The following HHAT variants were observed in gnomAD, a reference collection of about 807,000 sequenced individuals.
The protein encoded by HHAT is protein-cysteine N-palmitoyltransferase HHAT.
A neutral mutation model predicts 70.8 loss-of-function variants in HHAT; 47 were observed. The ratio of observed to expected loss-of-function variants is 0.66; its 90% CI spans 0.53 to 0.85. HHAT has a LOEUF of 0.85. Ranked by LOEUF, HHAT falls within the 40% of genes least tolerant of loss-of-function variation. The pLI is 0.00. For synonymous variants in HHAT, 228 were observed against 247.6 expected, an observed-to-expected ratio of 0.92 and a Z score of 0.74; for missense variants, 609 against 604.8, an observed-to-expected ratio of 1.01 and a Z score of -0.07.
At chr1:210,564,557 G>A (rs1338184020) in intron 9 of HHAT, among the ~76,000 whole-genome samples, 1 of 152,182 alleles carries the variant, frequency 6.6e-6, no homozygotes, top group Non-Finnish European at 1.5e-5. Context: ...ATGTGTCTAT[G>A]TGTATTTATA....
At chr1:210,574,205 G>A (rs1657085601) in intron 9 of HHAT, among the ~76,000 whole-genome samples, 1 of 152,302 alleles carries the variant, frequency 6.6e-6, no homozygotes, top group Admixed American at 6.5e-5. Flanking sequence ...GGGTGAGATT[G>A]GCTGGGGAAA....
chr1:210,534,037 G>A (rs573020658), intron 9 of HHAT, among the ~76,000 whole-genome samples: 1 of 152,278 alleles, frequency 6.6e-6, no homozygotes, highest in Non-Finnish European at 1.5e-5. Context: ...GAAATGAGGA[G>A]TCTCAGGCTA....
chr1:210,449,152 C>T (rs10863834), intron 7 of HHAT, among the ~76,000 whole-genome samples: 52,577 of 151,938 alleles, frequency 0.35, 9,498 homozygotes, highest in South Asian at 0.47. Flanking sequence ...AATTGGTGGT[C>T]GGACCTCCCG....
chr1:210,403,373 T>C (rs1019052206), intron 5 of HHAT, among the ~76,000 whole-genome samples: 6 of 152,254 alleles, frequency 3.9e-5, no homozygotes, highest in Admixed American at 1.3e-4. Flanking sequence ...CATTTATCAT[T>C]TATTTGGGGA....
At chr1:210,611,661 T>C (rs1251270282) in intron 10 of HHAT, among the ~76,000 whole-genome samples, 2 of 152,126 alleles carry the variant, frequency 1.3e-5, no homozygotes, top group Non-Finnish European at 2.9e-5. Flanking sequence ...ATCACTCTTA[T>C]ATTTTGAGGT....
intron 11 of HHAT, among the ~76,000 whole-genome samples, chr1:210,644,839 T>A (rs750866206): frequency 2.0e-5 from 3 of 152,122 alleles, no homozygotes; most frequent in Non-Finnish European, 4.4e-5. Flanking sequence ...CAACTTGTTA[T>A]AAGACCTGGG....
intron 8 of HHAT, among the ~76,000 whole-genome samples, chr1:210,474,474 T>C (rs1016407155): frequency 6.6e-6 from 1 of 152,160 alleles, no homozygotes; most frequent in South Asian, 2.1e-4. Context: ...TTTTGAAATA[T>C]AGGTTTAACT....
chr1:210,601,104 G>A (rs1301638663), intron 10 of HHAT, among the ~76,000 whole-genome samples: 1 of 151,882 alleles, frequency 6.6e-6, no homozygotes, highest in Non-Finnish European at 1.5e-5. Flanking sequence ...GCATCAGAGA[G>A]AACCCAAAGA....
chr1:210,669,168 G>C (rs1472165688), intron 11 of HHAT, among the ~76,000 whole-genome samples: 1 of 152,092 alleles, frequency 6.6e-6, no homozygotes, highest in Non-Finnish European at 1.5e-5. Context: ...ACTTCACATG[G>C]CCCTGTGTGC....
At chr1:210,451,791 C>CTGGTCTCCAACTCT (rs2148399249) in intron 7 of HHAT, among the ~76,000 whole-genome samples, 1 of 152,268 alleles carries the variant, frequency 6.6e-6, no homozygotes, top group East Asian at 1.9e-4. Flanking sequence ...GTTGCCCAGG[C>CTGGTCTCCAACTCT]TGGTCTCCAA....
chr1:210,561,956 G>A (rs186708650), intron 9 of HHAT, among the ~76,000 whole-genome samples: 11 of 152,292 alleles, frequency 7.2e-5, no homozygotes, highest in Admixed American at 5.9e-4. Flanking sequence ...ACTCCTTCCA[G>A]TGCATAGTGG....
At chr1:210,504,925 C>T (rs56718445) in intron 8 of HHAT, among the ~76,000 whole-genome samples, 35,566 of 125,286 alleles carry the variant, frequency 0.28, 5,070 homozygotes, top group South Asian at 0.42. Context: ...TTTTTTGAGA[C>T]GGAGTCTCGC....
intron 10 of HHAT, among the ~76,000 whole-genome samples, chr1:210,604,795 C>A (rs1323494925): frequency 6.6e-6 from 1 of 152,076 alleles, no homozygotes; most frequent in Non-Finnish European, 1.5e-5. Flanking sequence ...GTGGGAGAAT[C>A]CTTTGAGGCC....
At chr1:210,502,747 T>A (rs1281140218) in intron 8 of HHAT, among the ~76,000 whole-genome samples, 1 of 152,216 alleles carries the variant, frequency 6.6e-6, no homozygotes, top group Non-Finnish European at 1.5e-5. Context: ...AAGTACTAAT[T>A]ATTATTTTCT....
chr1:210,621,241 C>A (rs1668761941), intron 10 of HHAT, among the ~76,000 whole-genome samples: 1 of 152,098 alleles, frequency 6.6e-6, no homozygotes, highest in South Asian at 2.1e-4. Context: ...TATGTGCACT[C>A]TCGGTAGTTG....
intron 4 of HHAT, among the ~76,000 whole-genome samples, chr1:210,392,134 G>T (rs1313821905): frequency 1.3e-5 from 2 of 152,166 alleles, no homozygotes; most frequent in Non-Finnish European, 2.9e-5. Context: ...ATCCCAAAGT[G>T]CTGGGATTAC....
chr1:210,376,211 A>G (rs2090203692), intron 3 of HHAT, among the ~76,000 whole-genome samples: 1 of 152,038 alleles, frequency 6.6e-6, no homozygotes, highest in Non-Finnish European at 1.5e-5. Flanking sequence ...AAGCCCATCT[A>G]GTAAGTTATA....
Position 210,613,366 on chromosome 1 carries a change from T to C in HHAT, c.1246-10160T>C, listed in dbSNP as rs539498476. Among the ~76,000 whole-genome samples the C allele has an allele frequency of 5.9e-5, 9 of 152,350 alleles. No homozygotes were observed. The South Asian group carries it at 1.9e-3, about 32-fold the overall frequency. ...ACCATTTGTTGGAAAGACTGTTCTT[T>C]CCTCATTAAATGCTCTTTCTGCCCT... On this transcript the variant is annotated intron_variant, in intron 10 of 11. Coordinates refer to ENST00000261458, the MANE Select transcript of HHAT (RefSeq NM_018194.6).
At chr1:210,500,239 CT>C (rs1445482844) in intron 8 of HHAT, among the ~76,000 whole-genome samples, 1 of 152,206 alleles carries the variant, frequency 6.6e-6, no homozygotes, top group African/African-American at 2.4e-5. Flanking sequence ...TGAATAATCA[CT>C]TGTTGTGATG....
Sources: gnomAD v4.1 joint callset for allele counts (sites outside exome capture counted in the v4.1 genomes callset) on GRCh38, gnomAD v4.1.1 for gene constraint, MANE v1.5 for transcripts, NCBI Gene and HGNC (gene_info 2026-07-23, HGNC 2026-07-21) for gene names.